OR8G5: variants seen among roughly 807,000 people sequenced by gnomAD.
OR8G5 encodes olfactory receptor 8G5.
For missense variants in OR8G5, 347 were observed against 371.9 expected, an observed-to-expected ratio of 0.93 and a Z score of 0.55; for synonymous variants, 147 against 147.7, an observed-to-expected ratio of 1.00 and a Z score of 0.03.
At chr11:124,256,850 G>A (rs1007506039) in intron 1 of OR8G5, among the ~76,000 whole-genome samples, 1 of 152,182 alleles carries the variant, frequency 6.6e-6, no homozygotes, top group African/African-American at 2.4e-5. Flanking sequence ...CTGGCTTACA[G>A]TACAGTTCAG....
intron 1 of OR8G5, among the ~76,000 whole-genome samples, chr11:124,258,529 A>G (rs943693143): frequency 2.6e-5 from 4 of 152,036 alleles, no homozygotes; most frequent in Non-Finnish European, 5.9e-5. Context: ...CTGCACTCCA[A>G]CTTGGGCAAC....
At chr11:124,259,061 A>G (rs1346246101) in intron 1 of OR8G5, among the ~76,000 whole-genome samples, 1 of 152,228 alleles carries the variant, frequency 6.6e-6, no homozygotes, top group Non-Finnish European at 1.5e-5. Flanking sequence ...AACTAAGCTT[A>G]GAAGTTAATA....
intron 1 of OR8G5, among the ~76,000 whole-genome samples, chr11:124,260,031 A>G (rs183324275): frequency 1.3e-5 from 2 of 152,212 alleles, no homozygotes; most frequent in East Asian, 1.9e-4. Flanking sequence ...TTAGAGTACA[A>G]TAATTGTTAA....
intron 1 of OR8G5, among the ~76,000 whole-genome samples, chr11:124,263,442 C>T (rs1016294500): frequency 6.6e-6 from 1 of 151,626 alleles, no homozygotes; most frequent in East Asian, 1.9e-4. Context: ...TGGTGTGCTG[C>T]ACCCATTAAC....
At chr11:124,257,147 A>G (rs1484840451) in intron 1 of OR8G5, among the ~76,000 whole-genome samples, 1 of 113,130 alleles carries the variant, frequency 8.8e-6, no homozygotes, top group Non-Finnish European at 2.1e-5. Flanking sequence ...ACCTAAGAGT[A>G]GAAAGAGATG....
chr11:124,258,025 TTTC>T (rs1241161628), intron 1 of OR8G5, among the ~76,000 whole-genome samples: 4 of 152,132 alleles, frequency 2.6e-5, no homozygotes, highest in Non-Finnish European at 5.9e-5. Flanking sequence ...ATCCCATTAT[TTTC>T]TTCTTCTCTG....
intron 1 of OR8G5, among the ~76,000 whole-genome samples, chr11:124,261,038 T>A (rs1861966182): frequency 1.3e-5 from 2 of 151,858 alleles, no homozygotes; most frequent in African/African-American, 4.8e-5. Flanking sequence ...TGAGATCAGC[T>A]TTTTTAGCTT....
At position 124,265,411 on chromosome 11, in the gene OR8G5, A is replaced by G. The variant is rs1477546069; in HGVS notation, c.480A>G (p.Ile160Met). The change falls in exon 2 of 2, where the codon ATA (isoleucine) becomes ATG (methionine). Residue 160 changes from isoleucine to methionine, a missense_variant. Transcript: ENST00000641992. ...GCCTGATTTGTGCGTCAGCTCATATAGGCTGTATGTTTAGGGTTCAATTCT... is the reference window on the plus strand; with the variant it reads ...GCCTGATTTGTGCGTCAGCTCATATGGGCTGTATGTTTAGGGTTCAATTCT... ...VIGLICASAH[I>M]GCMFRVQFCK... 1 of 1,614,032 alleles carries G rather than the reference A, an allele frequency of 6.2e-7. No homozygotes were observed. The highest frequency in any genetic ancestry group is 8.5e-7 in the Non-Finnish European group (1 of 1,179,888).
At chr11:124,257,417 C>T (rs2512191) in intron 1 of OR8G5, among the ~76,000 whole-genome samples, 135,484 of 152,178 alleles carry the variant, frequency 0.89, 60,354 homozygotes, top group African/African-American at 0.92. Flanking sequence ...AGTATGAAAC[C>T]CAAGAAGGAC....
At position 124,265,750 on chromosome 11, in the gene OR8G5, G is replaced by A. The variant is rs924305099; in HGVS notation, c.819G>A (p.Val273=). The A allele has an allele frequency of 3.1e-6, 5 of 1,614,178 alleles. 1 individual carries two copies. The South Asian group carries it at 3.3e-5, about 11-fold the overall frequency. ...SSVSSMDQGK[V]SSVFYTIVVP... The stretch of plus-strand genomic sequence containing the variant: ...TCAGCTCCATGGACCAGGGGAAAGT[G>A]TCCTCTGTGTTTTATACTATTGTTG... The change falls in exon 2 of 2, where the codon GTG becomes GTA. Residue 273 remains valine (V), a synonymous_variant. Coordinates refer to ENST00000641992, the MANE Select transcript of OR8G5 (RefSeq NM_001005198.2).
In OR8G5 at chr11:124,265,932, A is replaced by T; in HGVS notation, c.*65A>T. On this transcript the variant is annotated 3_prime_UTR_variant, in exon 2 of 2. Coordinates refer to ENST00000641992, the MANE Select transcript of OR8G5 (RefSeq NM_001005198.2). ...TTTGGCTATGATATTGTATGAAATG[A>T]TGTCTTTCACTTTAGTGCATCTGTC... is the stretch of plus-strand genomic sequence containing the variant. 4 of 1,482,056 alleles carry T rather than the reference A, an allele frequency of 2.7e-6. No individual in the cohort carries two copies. Among genetic ancestry groups the T allele is most frequent in the Non-Finnish European group, 3.6e-6 (4 of 1,114,380 alleles). The allele number at this position is 1,482,056 out of a possible 1,614,324, so 91.8% of individuals were successfully genotyped here. A position where few individuals can be genotyped will look rare whatever the true frequency, so the allele number is the denominator to read the frequency against.
In OR8G5 at chr11:124,265,207, C is replaced by T; in HGVS notation, c.276C>T (p.Ile92=). 6.2e-7 allele frequency: 1 copy of T among 1,614,080 alleles called. No individual in the cohort carries two copies. The change falls in exon 2 of 2, where the codon ATC becomes ATT. Residue 92 remains isoleucine (I), a synonymous_variant. Coordinates refer to ENST00000641992, the MANE Select transcript of OR8G5 (RefSeq NM_001005198.2). Reference sequence around the variant, plus strand: ...ACTTTGTGACAGAGAAGAACATCATCTCCTACCCTGAATGCATGACTCAGC... The same window carrying T: ...ACTTTGTGACAGAGAAGAACATCATTTCCTACCCTGAATGCATGACTCAGC... ...LVNFVTEKNI[I]SYPECMTQLY...
chr11:124,262,057 A>C (rs1431570683), intron 1 of OR8G5, among the ~76,000 whole-genome samples: 1 of 151,896 alleles, frequency 6.6e-6, no homozygotes, highest in Non-Finnish European at 1.5e-5. Flanking sequence ...ATTACAAAAG[A>C]CTATAAATGG....
In OR8G5 at chr11:124,266,181, C is replaced by T. The variant is rs572637750; in HGVS notation, c.*314C>T. 2.0e-5 allele frequency: 5 copies of T among 252,176 alleles called. No individual in the cohort carries two copies. The East Asian group carries it at 4.6e-4, about 23-fold the overall frequency. 15.6% of individuals were successfully genotyped at this position (252,176 alleles called of 1,614,324 possible). A position where few individuals can be genotyped will look rare whatever the true frequency, so the allele number is the denominator to read the frequency against. ...TTCATGTAATTGATTAAAACATACT[C>T]CTCAACATAATAAAAACACTATCTT... is the stretch of plus-strand genomic sequence containing the variant. On this transcript the variant is annotated 3_prime_UTR_variant, in exon 2 of 2. Coordinates refer to ENST00000641992, the MANE Select transcript of OR8G5 (RefSeq NM_001005198.2).
Position 124,265,019 on chromosome 11 carries a change from G to C in OR8G5, c.88G>C (p.Val30Leu). ...AGAGCTACAGCTGCCCCTCTTCCTC[G>C]TCTTCCTGGGAATCTATGTAGTCAC... The part of the protein sequence containing the change: ...KSELQLPLFL[V>L]FLGIYVVTVL... The change falls in exon 2 of 2, where the codon GTC becomes CTC. Residue 30 changes from valine to leucine, a missense_variant. By Grantham distance (32) the Val-to-Leu change is conservative. Transcript: ENST00000641992. The C allele has an allele frequency of 6.2e-7, 1 of 1,613,986 alleles. No homozygotes were observed. Among genetic ancestry groups the C allele is most frequent in the South Asian group, 1.1e-5 (1 of 91,078 alleles).
Position 124,265,597 on chromosome 11 carries a change from T to C in OR8G5, c.666T>C (p.Ile222=). The C allele has an allele frequency of 6.2e-7, 1 of 1,613,804 alleles. No homozygotes were observed. The change falls in exon 2 of 2, where the codon ATT becomes ATC. Residue 222 remains isoleucine, a synonymous_variant. Coordinates refer to ENST00000641992, the MANE Select transcript of OR8G5 (RefSeq NM_001005198.2). ...LTILSSYIFI[I]ASILRIRYTE... is the part of the protein sequence containing the mutation. ...TCCTCAGCTCTTACATCTTCATCAT[T>C]GCCAGCATCCTCCGCATTCGCTACA...
intron 1 of OR8G5, among the ~76,000 whole-genome samples, chr11:124,256,889 A>C (rs540557328): frequency 4.6e-5 from 7 of 152,320 alleles, no homozygotes; most frequent in African/African-American, 1.7e-4. Flanking sequence ...AGAAATTAGA[A>C]TTTTCTGAGC....
At chr11:124,263,190 A>G (rs562182571) in intron 1 of OR8G5, among the ~76,000 whole-genome samples, 5 of 152,120 alleles carry the variant, frequency 3.3e-5, no homozygotes, top group East Asian at 1.9e-4. Flanking sequence ...TATTATTTGC[A>G]TATGTTATTT....
intron 1 of OR8G5, among the ~76,000 whole-genome samples, chr11:124,262,124 A>T (rs1861977200): frequency 6.7e-6 from 1 of 148,472 alleles, no homozygotes; most frequent in South Asian, 2.1e-4. Flanking sequence ...AAATCATGCT[A>T]AAGAAATGAA....
Sources: allele counts gnomAD v4.1 joint callset (sites outside exome capture counted in the v4.1 genomes callset), GRCh38; gene constraint gnomAD v4.1.1; transcripts MANE v1.5; gene names NCBI Gene and HGNC (gene_info 2026-07-23, HGNC 2026-07-21).